COL14A1: variants seen among roughly 807,000 people sequenced by gnomAD.
The protein encoded by COL14A1 is collagen alpha-1(XIV) chain.
Under a neutral mutation model 230.3 loss-of-function variants are expected in COL14A1, and 136 were observed. The observed-to-expected ratio is 0.59, with a 90% CI of 0.51 to 0.68. The LOEUF (loss-of-function observed/expected upper bound fraction) is 0.68, where lower values mean the gene tolerates loss of function less well. COL14A1 is among the 30% of genes least tolerant of loss of function. The pLI is 0.00. For synonymous variants in COL14A1, 792 were observed against 784.1 expected (o/e 1.01, Z -0.17); for missense variants, 1,976 against 2,215.8 (o/e 0.89, Z 2.17).
At chr8:120,193,937 C>G (rs937291704) in intron 5 of COL14A1, among the ~76,000 whole-genome samples, 1 of 152,170 alleles carries the variant, frequency 6.6e-6, no homozygotes. Flanking sequence ...ACCCGGTTTT[C>G]CAGGTGCCAT....
At chr8:120,283,819 T>C (rs1820113378) in intron 32 of COL14A1, 41 bp downstream of exon 32, 1 of 1,551,602 alleles carries the variant, frequency 6.4e-7, no homozygotes, top group Non-Finnish European at 8.8e-7. Context: ...TATACATGTA[T>C]GAGTAATGTA....
Position 120,247,630 on chromosome 8 carries a change from C to T in COL14A1, c.2497C>T (p.Gln833Ter). 1 of 1,614,042 alleles carries T rather than the reference C, an allele frequency of 6.2e-7. No individual in the cohort carries two copies. The highest frequency in any genetic ancestry group is 8.5e-7 in the Non-Finnish European group (1 of 1,179,994). Residue 833 changes from glutamine to a stop codon, truncating the protein, a stop_gained, in exon 21 of 48, where the codon CAG becomes TAG. Transcript: ENST00000297848. LOFTEE classifies it high-confidence loss of function. Reference sequence around the variant, plus strand: ...CTACTCAGTACCATCCTCGGGGCCCCAGAACTTGCGGGTGTCCGAGGAATG... The same window carrying T: ...CTACTCAGTACCATCCTCGGGGCCCTAGAACTTGCGGGTGTCCGAGGAATG... ...PGKTLPSSGP[Q>*]NLRVSEEWYN...
intron 34 of COL14A1, among the ~76,000 whole-genome samples, chr8:120,290,265 A>G (rs1820333191): frequency 6.6e-6 from 1 of 152,136 alleles, no homozygotes; most frequent in African/African-American, 2.4e-5. Context: ...TGTAAAGTTT[A>G]CCCTTTAATT....
chr8:120,190,542 A>G (rs1161816237), intron 5 of COL14A1, among the ~76,000 whole-genome samples: 12 of 152,190 alleles, frequency 7.9e-5, no homozygotes, highest in Admixed American at 5.2e-4. Context: ...TTGGTGTTTT[A>G]GACATGAAGT....
chr8:120,312,825 T>C (rs1821089270), intron 37 of COL14A1, among the ~76,000 whole-genome samples: 1 of 152,168 alleles, frequency 6.6e-6, no homozygotes, highest in Non-Finnish European at 1.5e-5. Flanking sequence ...CTTTGTCCCA[T>C]GTAACGTGTT....
chr8:120,236,184 C>G (rs1818437931), intron 19 of COL14A1, among the ~76,000 whole-genome samples: 1 of 152,132 alleles, frequency 6.6e-6, no homozygotes, highest in African/African-American at 2.4e-5. Context: ...AATTTTCTGT[C>G]TCATTTATCT....
chr8:120,211,362 TATTA>T (rs974603920), intron 12 of COL14A1, among the ~76,000 whole-genome samples: 3 of 152,162 alleles, frequency 2.0e-5, no homozygotes, highest in Non-Finnish European at 4.4e-5. Flanking sequence ...CAAAATGTAA[TATTA>T]ACACAGAAAA....
At chr8:120,128,337 C>T (rs1422216867) in intron 1 of COL14A1, among the ~76,000 whole-genome samples, 1 of 152,062 alleles carries the variant, frequency 6.6e-6, no homozygotes, top group Non-Finnish European at 1.5e-5. Context: ...ACTTAAGTCT[C>T]CCAGTTACTT....
chr8:120,314,988 A>G (rs1821165955), intron 38 of COL14A1, among the ~76,000 whole-genome samples: 1 of 152,226 alleles, frequency 6.6e-6, no homozygotes, highest in Non-Finnish European at 1.5e-5. Flanking sequence ...ATTAGACTGT[A>G]TATTCTATGT....
chr8:120,354,330 A>G (rs1364368138), intron 45 of COL14A1, among the ~76,000 whole-genome samples: 2 of 135,812 alleles, frequency 1.5e-5, no homozygotes, highest in East Asian at 4.3e-4. Context: ...AGCATGGCAC[A>G]TGTATACATA....
intron 8 of COL14A1, among the ~76,000 whole-genome samples, chr8:120,199,879 T>C (rs1175786741): frequency 3.3e-5 from 5 of 152,068 alleles, no homozygotes; most frequent in African/African-American, 9.7e-5. Context: ...GTCAAGACTT[T>C]CTCTTAAGGG....
In COL14A1 at chr8:120,147,921, C is replaced by G. The variant is rs1359534607; in HGVS notation, c.79C>G (p.Gln27Glu). ...LAIVYFCTIV[Q>E]GQVAPPTRLR... is the part of the protein sequence containing the mutation. ...AATTGTTTATTTCTGCACCATTGTC[C>G]AAGGTCAAGGTAATTGAAAACTTTG... Residue 27 changes from glutamine (Q) to glutamate (E), a missense_variant, in exon 2 of 48, where the codon CAA (glutamine) becomes GAA (glutamate). This residue lies in a region of COL14A1 where 181 missense variants were observed against 178.6 expected (regional missense o/e 1.01). Coordinates refer to ENST00000297848, the MANE Select transcript of COL14A1 (RefSeq NM_021110.4). 1.2e-6 allele frequency: 2 copies of G among 1,612,382 alleles called. No homozygotes were observed. The highest frequency in any genetic ancestry group is 8.5e-7 in the Non-Finnish European group (1 of 1,178,690).
intron 23 of COL14A1, among the ~76,000 whole-genome samples, chr8:120,258,449 ACCTGGTTGCCTTCCACC>A (rs1243005930): frequency 1.3e-5 from 2 of 152,056 alleles, no homozygotes; most frequent in Non-Finnish European, 2.9e-5. Flanking sequence ...GACTGTTTGG[ACCTGGTTGCCTTCCACC>A]CCTGTATCTG....
At chr8:120,354,987 A>C (rs756061763) in intron 45 of COL14A1, among the ~76,000 whole-genome samples, 16 of 152,158 alleles carry the variant, frequency 1.1e-4, no homozygotes, top group Non-Finnish European at 1.8e-4. Flanking sequence ...CTTCATGTAA[A>C]TGGTTCTGTA....
intron 2 of COL14A1, among the ~76,000 whole-genome samples, chr8:120,150,288 C>T (rs1353177511): frequency 6.6e-6 from 1 of 152,068 alleles, no homozygotes; most frequent in Admixed American, 6.5e-5. Context: ...ATATTTGCAA[C>T]TCATGGGGGT....
chr8:120,355,913 T>C (rs993228086), intron 45 of COL14A1, among the ~76,000 whole-genome samples: 2 of 152,228 alleles, frequency 1.3e-5, no homozygotes, highest in Non-Finnish European at 2.9e-5. Flanking sequence ...GCAGTGTTTA[T>C]GTAAGGTTTT....
chr8:120,266,398 C>G (rs1269858068), intron 24 of COL14A1, among the ~76,000 whole-genome samples: 1 of 146,286 alleles, frequency 6.8e-6, no homozygotes, highest in Non-Finnish European at 1.5e-5. Flanking sequence ...GACCAGTATC[C>G]TGGGGGATGC....
chr8:120,345,570 T>TGG lies in COL14A1; in HGVS notation c.5077+9_5077+10dup. ...GGGACCCCAGGAGAACGAGGTAAGCTGGGCCCCTTCTCTCAGAGGAACTCC... is the reference window on the plus strand; with the variant it reads ...GGGACCCCAGGAGAACGAGGTAAGCTGGGGGCCCCTTCTCTCAGAGGAACTCC... On this transcript the variant is annotated splice_region_variant and intron_variant, in intron 45 of 47. Transcript: ENST00000297848. The TGG allele has an allele frequency of 6.5e-7, 1 of 1,529,468 alleles. No homozygotes were observed. The highest frequency in any genetic ancestry group is 8.7e-7 in the Non-Finnish European group (1 of 1,144,574). The allele number at this position is 1,529,468 out of a possible 1,614,324, so 94.7% of individuals were successfully genotyped here. A position where few individuals can be genotyped will look rare whatever the true frequency, so the allele number is the denominator to read the frequency against.
intron 42 of COL14A1, among the ~76,000 whole-genome samples, chr8:120,339,731 T>C (rs1037325908): frequency 1.3e-5 from 2 of 151,660 alleles, no homozygotes; most frequent in Non-Finnish European, 2.9e-5. Flanking sequence ...GATTCTAACA[T>C]CATGTTTAAA....
Sources: allele counts gnomAD v4.1 joint callset (sites outside exome capture counted in the v4.1 genomes callset), GRCh38; gene constraint gnomAD v4.1.1; regional missense constraint gnomAD v4.1.1; transcripts MANE v1.5; gene names NCBI Gene and HGNC (gene_info 2026-07-23, HGNC 2026-07-21).